Variants in AMBRA1 observed in about 807,000 individuals in gnomAD.
AMBRA1 encodes activating molecule in BECN1-regulated autophagy protein 1.
In AMBRA1, 47 loss-of-function variants were observed where a neutral mutation model predicts 125.4. The ratio of observed to expected loss-of-function variants is 0.37; its 90% CI spans 0.30 to 0.48. The LOEUF (loss-of-function observed/expected upper bound fraction) is 0.48. Among genes scored for constraint, AMBRA1 ranks in the 20% least tolerant of loss-of-function variants. The probability of loss-of-function intolerance (pLI) is 0.99; values close to 1 mark genes in which losing one functional copy is unlikely to be tolerated. For missense variants in AMBRA1, 1,331 were observed against 1,693.4 expected (o/e 0.79, Z 3.76); for synonymous variants, 626 against 655.5 (o/e 0.95, Z 0.69).
In AMBRA1 at chr11:46,400,473, G is replaced by GTTTTTTTTTTTT. The variant is rs553040136; in HGVS notation, c.3404-2542_3404-2531dup. 1.0e-3 allele frequency among the ~76,000 whole-genome samples: 50 copies of GTTTTTTTTTTTT among 48,884 alleles called. 15 individuals carry two copies. Among genetic ancestry groups the GTTTTTTTTTTTT allele is most frequent in the African/African-American group, 1.5e-3 (23 of 15,484 alleles). 32.1% of individuals were successfully genotyped at this position (48,884 alleles called of 152,430 possible). ...CCTCATGCTTCTAGTTCTTTCTATA[G>GTTTTTTTTTTTT]TTTTTTTTTTTTTTTTTTTTTTTTT... On this transcript the variant is annotated intron_variant, in intron 17 of 17. Coordinates refer to ENST00000683756, the MANE Select transcript of AMBRA1 (RefSeq NM_001387011.1).
Position 46,433,705 on chromosome 11 carries a change from G to A in AMBRA1, c.2822-77C>T, listed in dbSNP as rs61882703. 15 of 1,452,406 alleles carry A rather than the reference G, an allele frequency of 1.0e-5. No homozygotes were observed. The African/African-American group carries it at 1.8e-4, about 18-fold the overall frequency. The allele number at this position is 1,452,406 out of a possible 1,614,324, so 90.0% of individuals were successfully genotyped here. A position where few individuals can be genotyped will look rare whatever the true frequency, so the allele number is the denominator to read the frequency against. The stretch of plus-strand genomic sequence containing the variant: ...GGAAACAACTTTCACTCTTACTCTT[G>A]TCTTTTTCTCTAATCTTCATATTCA... On this transcript the variant is annotated intron_variant, in intron 13 of 17. Coordinates refer to ENST00000683756, the MANE Select transcript of AMBRA1 (RefSeq NM_001387011.1).
intron 1 of AMBRA1, among the ~76,000 whole-genome samples, chr11:46,571,349 A>G (rs1016964054): frequency 6.6e-6 from 1 of 152,214 alleles, no homozygotes; most frequent in Non-Finnish European, 1.5e-5. Flanking sequence ...ATACAGAGTT[A>G]AAAGTGACTT....
Position 46,397,691 on chromosome 11 carries a change from C to T in AMBRA1, c.3656G>A (p.Gly1219Glu), listed in dbSNP as rs375911943. ...STSRGLLPEA[G>E]QLAERGLSPR... ...GCTTAGGCCTCGCTCTGCCAGTTGC[C>T]CGGCCTCTGGGAGCAGTCCCCGAGA... The change falls in exon 18 of 18, where the codon GGG becomes GAG. Residue 1219 changes from glycine to glutamate, a missense_variant. Physicochemically the swap from Gly to Glu is moderately conservative, Grantham distance 98. This residue lies in a region of AMBRA1 where 144 missense variants were observed against 133.9 expected (regional missense o/e 1.08). Coordinates refer to ENST00000683756, the MANE Select transcript of AMBRA1 (RefSeq NM_001387011.1). 6.4e-4 allele frequency: 1,032 copies of T among 1,612,920 alleles called. 11 individuals are homozygous for T. In the South Asian group the frequency reaches 0.011, roughly 17 times the overall value.
chr11:46,569,762 CCAA>C (rs1403369137), intron 1 of AMBRA1, among the ~76,000 whole-genome samples: 2 of 149,808 alleles, frequency 1.3e-5, no homozygotes, highest in East Asian at 4.0e-4. Context: ...AAATGACCAG[CCAA>C]CATGGCTGGT....
At chr11:46,553,422 T>C (rs771781644) in intron 1 of AMBRA1, among the ~76,000 whole-genome samples, 8 of 152,140 alleles carry the variant, frequency 5.3e-5, no homozygotes, top group East Asian at 3.9e-4. Context: ...AGTACTAAGA[T>C]GTAAAAGTCA....
intron 14 of AMBRA1, among the ~76,000 whole-genome samples, chr11:46,428,008 C>CAA (rs57618324): frequency 0.015 from 935 of 63,318 alleles, 10 homozygotes; most frequent in Middle Eastern, 0.028. Flanking sequence ...GACTCCATGT[C>CAA]AAAAAAAAAA....
At chr11:46,561,662 C>T (rs1361693670) in intron 1 of AMBRA1, among the ~76,000 whole-genome samples, 1 of 152,230 alleles carries the variant, frequency 6.6e-6, no homozygotes, top group East Asian at 1.9e-4. Context: ...TTATAGTCAG[C>T]CCAGGTCAGG....
At chr11:46,513,498 G>A (rs1038092835) in intron 7 of AMBRA1, among the ~76,000 whole-genome samples, 1 of 151,970 alleles carries the variant, frequency 6.6e-6, no homozygotes, top group Admixed American at 6.6e-5. Context: ...ATATGTATTT[G>A]TTTAAACCTC....
At chr11:46,569,856 G>A (rs2043692715) in intron 1 of AMBRA1, among the ~76,000 whole-genome samples, 1 of 152,178 alleles carries the variant, frequency 6.6e-6, no homozygotes, top group Non-Finnish European at 1.5e-5. Context: ...AGCTACTCAG[G>A]AGGCTGAGGC....
chr11:46,450,675 T>C (rs977096506), intron 11 of AMBRA1, among the ~76,000 whole-genome samples: 2 of 152,130 alleles, frequency 1.3e-5, no homozygotes, highest in Non-Finnish European at 2.9e-5. Context: ...ACTCCTGAAC[T>C]CAAGAGATCC....
intron 7 of AMBRA1, among the ~76,000 whole-genome samples, chr11:46,513,064 G>C (rs1951325691): frequency 1.3e-5 from 2 of 152,144 alleles, no homozygotes; most frequent in Non-Finnish European, 2.9e-5. Flanking sequence ...ATGAACAAGT[G>C]CTTCAGAGAC....
At chr11:46,563,153 C>A (rs75743621) in intron 1 of AMBRA1, among the ~76,000 whole-genome samples, 4 of 152,208 alleles carry the variant, frequency 2.6e-5, no homozygotes, top group Admixed American at 1.3e-4. Flanking sequence ...ACCTGTAACC[C>A]AGCTAACTCA....
Position 46,433,504 on chromosome 11 carries a change from T to C in AMBRA1, c.2946A>G (p.Gln982=). ...TGGAGGTCTCTCCACCATGGGCCTG[T>C]TGCAGCCTGAAGACCTGGGCCACCA... ...EHMVAQVFRL[Q]QAHGGETSMR... The change falls in exon 14 of 18, where the codon CAA becomes CAG. Residue 982 remains glutamine, a synonymous_variant. Transcript: ENST00000683756. The C allele has an allele frequency of 1.2e-6, 2 of 1,614,152 alleles. No individual in the cohort carries two copies. Among genetic ancestry groups the C allele is most frequent in the South Asian group, 1.1e-5 (1 of 91,086 alleles).
intron 6 of AMBRA1, 55 bp from the exon 7 acceptor site, chr11:46,543,453 C>T: frequency 6.4e-7 from 1 of 1,573,100 alleles, no homozygotes; most frequent in Non-Finnish European, 8.6e-7. Flanking sequence ...TAGGTAGAAC[C>T]TCCAAGTAAA....
At chr11:46,536,605 C>A (rs894227985) in intron 7 of AMBRA1, among the ~76,000 whole-genome samples, 1 of 152,164 alleles carries the variant, frequency 6.6e-6, no homozygotes, top group Non-Finnish European at 1.5e-5. Flanking sequence ...GTTGCCGGCC[C>A]CCTTTTGTGG....
chr11:46,569,269 C>T lies in AMBRA1; in HGVS notation c.-120-20769G>A, dbSNP rs554445644. On this transcript the variant is annotated intron_variant, in intron 1 of 17. Coordinates refer to ENST00000683756, the MANE Select transcript of AMBRA1 (RefSeq NM_001387011.1). ...AAAAAAAAAAAAAAAAGTAACCCTC[C>T]AACCCTACCCTCTTGAGATAACCTT... Among the ~76,000 whole-genome samples the T allele has an allele frequency of 1.4e-3, 202 of 148,344 alleles. 1 individual carries two copies. Among genetic ancestry groups the T allele is most frequent in the Non-Finnish European group, 2.2e-3 (148 of 67,186 alleles).
At chr11:46,430,421 G>A (rs1490004492) in intron 14 of AMBRA1, among the ~76,000 whole-genome samples, 1 of 152,126 alleles carries the variant, frequency 6.6e-6, no homozygotes. Context: ...CTAATCCTGG[G>A]TCCCTCTGAC....
At chr11:46,486,350 AC>A (rs1194081792) in intron 11 of AMBRA1, among the ~76,000 whole-genome samples, 3 of 152,212 alleles carry the variant, frequency 2.0e-5, no homozygotes, top group Non-Finnish European at 2.9e-5. Flanking sequence ...ATGGCCCTTA[AC>A]TGCAGTCTCT....
At chr11:46,486,954 T>A (rs1168543633) in intron 11 of AMBRA1, among the ~76,000 whole-genome samples, 1 of 139,214 alleles carries the variant, frequency 7.2e-6, no homozygotes, top group Non-Finnish European at 1.6e-5. Flanking sequence ...AATAAATAAA[T>A]ACAAATAAAA....
Sources: allele counts gnomAD v4.1 joint callset (sites outside exome capture counted in the v4.1 genomes callset), GRCh38; gene constraint gnomAD v4.1.1; regional missense constraint gnomAD v4.1.1; transcripts MANE v1.5; gene names NCBI Gene and HGNC (gene_info 2026-07-23, HGNC 2026-07-21).